The following CACNB2 variants were observed in gnomAD, a reference collection of about 807,000 sequenced individuals.
The protein encoded by CACNB2 is calcium voltage-gated channel auxiliary subunit beta 2.
In CACNB2, 42 loss-of-function variants were observed where a neutral mutation model predicts 73.3. The ratio of observed to expected loss-of-function variants is 0.57; its 90% CI spans 0.45 to 0.74. The LOEUF (loss-of-function observed/expected upper bound fraction) is 0.74, where lower values mean the gene tolerates loss of function less well. Among genes scored for constraint, CACNB2 ranks in the 30% least tolerant of loss-of-function variants. The pLI is 0.00. For synonymous variants in CACNB2, 348 were observed against 310.3 expected (o/e 1.12, Z -1.28); for missense variants, 940 against 853.0 (o/e 1.10, Z -1.27).
chr10:18,539,396 AAG>A lies in CACNB2; in HGVS notation c.1659_1660del (p.Glu553AspfsTer3). On this transcript the variant is annotated frameshift_variant, in exon 14 of 14. Transcript: ENST00000324631. LOFTEE classifies it high-confidence loss of function. ...GGGACAAGTCGCGGCCTCTCCAGGC[AAG>A]AGACATTTGACTCGGAAACCCAGGA... 8 of 1,614,096 alleles carry A rather than the reference AAG, an allele frequency of 5.0e-6. No homozygotes were observed. Among genetic ancestry groups the A allele is most frequent in the Non-Finnish European group, 6.8e-6 (8 of 1,180,014 alleles).
chr10:18,439,008 A>G (rs1257813457), intron 3 of CACNB2, among the ~76,000 whole-genome samples: 1 of 152,230 alleles, frequency 6.6e-6, no homozygotes, highest in African/African-American at 2.4e-5. Flanking sequence ...CATCGGGGAG[A>G]AAATAACTTC....
rs529609704 is a variant in CACNB2, at chr10:18,141,038, C to G, written c.120+182C>G. The G allele has an allele frequency of 2.1e-4, 323 of 1,543,474 alleles. 5 individuals are homozygous for G. In the South Asian group the frequency reaches 3.7e-3, roughly 18 times the overall value. ...CCTGCCCCTTTGCGCCTTTTCCTGGCTCTGCCTCGGCTTCCATTTTTCTCT... is the reference window on the plus strand; with the variant it reads ...CCTGCCCCTTTGCGCCTTTTCCTGGGTCTGCCTCGGCTTCCATTTTTCTCT... On this transcript the variant is annotated intron_variant, in intron 1 of 13. Coordinates refer to ENST00000324631, the MANE Select transcript of CACNB2 (RefSeq NM_201596.3).
intron 2 of CACNB2, among the ~76,000 whole-genome samples, chr10:18,174,627 C>T (rs529861073): frequency 6.6e-6 from 1 of 152,128 alleles, no homozygotes; most frequent in South Asian, 2.1e-4. Flanking sequence ...TGGTCTCGAA[C>T]TCCTGACCTC....
At chr10:18,496,894 T>C (rs1021434814) in intron 3 of CACNB2, among the ~76,000 whole-genome samples, 1 of 151,100 alleles carries the variant, frequency 6.6e-6, no homozygotes, top group African/African-American at 2.4e-5. Context: ...TATGTTACTT[T>C]GTATATATCA....
At chr10:18,260,927 C>G (rs1437337674) in intron 2 of CACNB2, 2 of 1,164,350 alleles carry the variant, frequency 1.7e-6, no homozygotes, top group Non-Finnish European at 2.1e-6. Flanking sequence ...CCAAGAAACT[C>G]TGACGATCTG....
At chr10:18,142,695 C>G (rs1381480668) in intron 1 of CACNB2, among the ~76,000 whole-genome samples, 1 of 152,172 alleles carries the variant, frequency 6.6e-6, no homozygotes, top group Admixed American at 6.5e-5. Flanking sequence ...ATAAGAGATA[C>G]TAATTTACTT....
intron 2 of CACNB2, among the ~76,000 whole-genome samples, chr10:18,162,085 A>G (rs1281741018): frequency 6.6e-6 from 1 of 152,134 alleles, no homozygotes; most frequent in African/African-American, 2.4e-5. Context: ...TTTCTCTCTC[A>G]TATTTAAAAA....
chr10:18,523,565 A>G (rs1434430720), intron 9 of CACNB2, among the ~76,000 whole-genome samples: 2 of 152,234 alleles, frequency 1.3e-5, no homozygotes, highest in Non-Finnish European at 2.9e-5. Context: ...CTGGGGTTCT[A>G]TATTCTAGCC....
intron 2 of CACNB2, chr10:18,262,091 G>A: frequency 2.0e-6 from 1 of 504,868 alleles, no homozygotes; most frequent in Non-Finnish European, 4.0e-6. Context: ...TATGCAGGCT[G>A]GGCAAACTGC....
chr10:18,529,084 C>A (rs1320416979), intron 10 of CACNB2, among the ~76,000 whole-genome samples: 1 of 152,176 alleles, frequency 6.6e-6, no homozygotes, highest in Non-Finnish European at 1.5e-5. Flanking sequence ...CTGCCTTGGC[C>A]TCCTGAAGTG....
At chr10:18,472,554 C>A (rs974153262) in intron 3 of CACNB2, among the ~76,000 whole-genome samples, 16 of 151,996 alleles carry the variant, frequency 1.1e-4, no homozygotes, top group African/African-American at 3.4e-4. Context: ...CATTTTTCTA[C>A]GCTTCTTGCC....
intron 9 of CACNB2, among the ~76,000 whole-genome samples, chr10:18,524,216 T>G (rs971075011): frequency 5.3e-5 from 8 of 152,044 alleles, no homozygotes; most frequent in African/African-American, 1.9e-4. Context: ...GGTTTTTTTT[T>G]TTTGTTTTTT....
rs537598959 is a variant in CACNB2, at chr10:18,520,951, T to C, written c.944+1983T>C. Among the ~76,000 whole-genome samples, 70 of 152,352 alleles carry C rather than the reference T, an allele frequency of 4.6e-4. No individual in the cohort carries two copies. In the South Asian group the frequency reaches 0.014, roughly 31 times the overall value. ...CCAGTACTATTTTTGTTTATTGTCA[T>C]TCTCCCATAATTAGACGATAAACTC... On this transcript the variant is annotated intron_variant, in intron 9 of 13. Coordinates refer to ENST00000324631, the MANE Select transcript of CACNB2 (RefSeq NM_201596.3).
rs2054006019 is a variant in CACNB2, at chr10:18,540,351, T to C, written c.*627T>C. The C allele has an allele frequency of 6.6e-6, 1 of 151,796 alleles. No individual in the cohort carries two copies. Among genetic ancestry groups the C allele is most frequent in the South Asian group, 2.1e-4 (1 of 4,820 alleles). 9.4% of individuals were successfully genotyped at this position (151,796 alleles called of 1,614,324 possible). A position where few individuals can be genotyped will look rare whatever the true frequency, so the allele number is the denominator to read the frequency against. ...TATATATAATATATATATATATCAG[T>C]TTGATCACACTATTTTAGAGTCTTA... On this transcript the variant is annotated 3_prime_UTR_variant, in exon 14 of 14. Transcript: ENST00000324631.
At chr10:18,471,629 G>A (rs915207336) in intron 3 of CACNB2, among the ~76,000 whole-genome samples, 2 of 152,154 alleles carry the variant, frequency 1.3e-5, no homozygotes, top group Admixed American at 6.5e-5. Flanking sequence ...TTATGGGGCA[G>A]TGGAGTTGGA....
chr10:18,354,508 A>G (rs2132159723), intron 2 of CACNB2, among the ~76,000 whole-genome samples: 1 of 152,288 alleles, frequency 6.6e-6, no homozygotes, highest in South Asian at 2.1e-4. Flanking sequence ...GCCAGATGTC[A>G]TGGTGTGGTT....
At chr10:18,429,300 A>T (rs1409045853) in intron 3 of CACNB2, among the ~76,000 whole-genome samples, 1 of 152,080 alleles carries the variant, frequency 6.6e-6, no homozygotes, top group Non-Finnish European at 1.5e-5. Context: ...CTCTTCCTAA[A>T]TCCTTTCAAG....
chr10:18,400,269 T>C (rs1477776400), intron 2 of CACNB2, among the ~76,000 whole-genome samples: 2 of 152,230 alleles, frequency 1.3e-5, no homozygotes, highest in African/African-American at 4.8e-5. Context: ...ATTTACTACC[T>C]GTGAACCTCC....
chr10:18,299,841 G>A (rs1005008246), intron 2 of CACNB2, among the ~76,000 whole-genome samples: 1 of 152,152 alleles, frequency 6.6e-6, no homozygotes, highest in Non-Finnish European at 1.5e-5. Context: ...GAGATGTCAC[G>A]AGAAAGAGCA....
Sources: allele counts gnomAD v4.1 joint callset (sites outside exome capture counted in the v4.1 genomes callset), GRCh38; gene constraint gnomAD v4.1.1; transcripts MANE v1.5; gene names NCBI Gene and HGNC (gene_info 2026-07-23, HGNC 2026-07-21).